Variants in MGAT4C observed in about 807,000 individuals in gnomAD.
MGAT4C encodes MGAT4 family member C.
MGAT4C carries 19 observed loss-of-function variants against 40.1 expected under a neutral mutation model. The observed-to-expected ratio is 0.47, with a 90% CI of 0.33 to 0.70. The LOEUF is 0.70. MGAT4C is among the 30% of genes least tolerant of loss of function. The pLI, the probability that MGAT4C is intolerant of heterozygous loss-of-function variation, is 0.02. For synonymous variants in MGAT4C, 181 were observed against 187.1 expected (o/e 0.97, Z 0.27); for missense variants, 491 against 563.2 (o/e 0.87, Z 1.30).
intron 1 of MGAT4C, among the ~76,000 whole-genome samples, chr12:86,223,475 G>T (rs1950958463): frequency 6.6e-6 from 1 of 152,072 alleles, no homozygotes. Flanking sequence ...TGATACCAAG[G>T]CACCAAGAAA....
intron 1 of MGAT4C, among the ~76,000 whole-genome samples, chr12:86,835,172 A>T (rs1953011797): frequency 6.6e-6 from 1 of 151,896 alleles, no homozygotes; most frequent in East Asian, 1.9e-4. Context: ...GTTTTTCTGT[A>T]TATTTTAAAC....
Position 85,979,066 on chromosome 12 carries a change from AAGT to A in MGAT4C, c.*220_*222del. 3.0e-6 allele frequency: 1 copy of A among 336,068 alleles called. No individual in the cohort carries two copies. Among genetic ancestry groups the A allele is most frequent in the Non-Finnish European group, 5.4e-6 (1 of 185,434 alleles). The allele number at this position is 336,068 out of a possible 1,614,324, so 20.8% of individuals were successfully genotyped here. On this transcript the variant is annotated 3_prime_UTR_variant, in exon 5 of 5. Transcript: ENST00000611864. ...TAAGAACATTTAAAAATATAAATGAAAGTAGCATTAGCTATAGACTGATATTCA... is the reference window on the plus strand; with the variant it reads ...TAAGAACATTTAAAAATATAAATGAAAGCATTAGCTATAGACTGATATTCA...
chr12:86,454,350 T>G (rs1957475428), intron 2 of MGAT4C, among the ~76,000 whole-genome samples: 1 of 151,974 alleles, frequency 6.6e-6, no homozygotes, highest in African/African-American at 2.4e-5. Flanking sequence ...ACCTCAGCCT[T>G]TCAAGTAGCT....
Position 86,599,855 on chromosome 12 carries a change from A to G in MGAT4C, c.-229+127354T>C, listed in dbSNP as rs143704837. On this transcript the variant is annotated intron_variant, in intron 2 of 7. Transcript: ENST00000548651. ...CTACTATAGTTATTTATTCAAAAAT[A>G]TTTATCAAACCTGGACCATGTTCTA... is the stretch of plus-strand genomic sequence containing the variant. Among the ~76,000 whole-genome samples the G allele has an allele frequency of 4.5e-4, 69 of 152,314 alleles. 1 individual carries two copies. The East Asian group carries it at 0.012, about 26-fold the overall frequency.
At chr12:86,574,695 C>T (rs111831750) in intron 2 of MGAT4C, among the ~76,000 whole-genome samples, 2,115 of 151,840 alleles carry the variant, frequency 0.014, 25 homozygotes, top group Middle Eastern at 0.037. Flanking sequence ...AATTATTCCT[C>T]ATTTAAGCTA....
At chr12:86,511,843 T>A (rs917875817) in intron 2 of MGAT4C, among the ~76,000 whole-genome samples, 24 of 152,164 alleles carry the variant, frequency 1.6e-4, no homozygotes, top group Admixed American at 3.9e-4. Flanking sequence ...AGCAATAGTT[T>A]CTTGGATATA....
chr12:86,109,197 C>T (rs1402756807), intron 1 of MGAT4C, among the ~76,000 whole-genome samples: 2 of 152,046 alleles, frequency 1.3e-5, no homozygotes, highest in African/African-American at 4.8e-5. Flanking sequence ...GACACTAGCA[C>T]CAAAATTGTT....
chr12:86,778,177 T>C (rs1951776262), intron 1 of MGAT4C, among the ~76,000 whole-genome samples: 1 of 152,192 alleles, frequency 6.6e-6, no homozygotes, highest in South Asian at 2.1e-4. Context: ...ATAAGGATAA[T>C]GTATTTAGAA....
At chr12:86,446,657 TCATA>T (rs1957340464) in intron 2 of MGAT4C, among the ~76,000 whole-genome samples, 1 of 66,496 alleles carries the variant, frequency 1.5e-5, no homozygotes, top group African/African-American at 5.1e-5. Context: ...ATCATGTAAC[TCATA>T]TATATATATA....
intron 1 of MGAT4C, among the ~76,000 whole-genome samples, chr12:86,051,175 G>A (rs1188345633): frequency 6.6e-6 from 1 of 151,986 alleles, no homozygotes; most frequent in Non-Finnish European, 1.5e-5. Context: ...AGGAAAAACA[G>A]CATTGGTTTT....
At chr12:86,202,889 T>G (rs1950100843) in intron 1 of MGAT4C, among the ~76,000 whole-genome samples, 1 of 152,178 alleles carries the variant, frequency 6.6e-6, no homozygotes, top group South Asian at 2.1e-4. Flanking sequence ...GTCCAAATTT[T>G]TATTTACTTT....
intron 1 of MGAT4C, among the ~76,000 whole-genome samples, chr12:86,215,327 C>T (rs1242895259): frequency 2.1e-4 from 32 of 152,146 alleles, no homozygotes; most frequent in Admixed American, 2.1e-3. Context: ...AAGCAAGACC[C>T]TCTAATAACA....
chr12:86,774,345 C>CTTTCTTTCTTTCTTTCTTTCTT (rs1951708548), intron 1 of MGAT4C, among the ~76,000 whole-genome samples: 1 of 14,906 alleles, frequency 6.7e-5, no homozygotes, highest in African/African-American at 2.7e-4. Flanking sequence ...CTTTCTGTCT[C>CTTTCTTTCTTTCTTTCTTTCTT]TCTCTCTCCC....
rs147550144 is a variant in MGAT4C at position 86,536,573 on chromosome 12, C to A, written c.-228-101308G>T. ...GAAAATTATAAATAAAATAAAACCT[C>A]TTTAAGCATTCAGGTAGTAAAAAAT... On this transcript the variant is annotated intron_variant, in intron 2 of 7. Transcript: ENST00000548651. 2.9e-3 allele frequency among the ~76,000 whole-genome samples: 447 copies of A among 152,198 alleles called. 4 individuals carry two copies. Among genetic ancestry groups the A allele is most frequent in the African/African-American group, 0.01 (429 of 41,536 alleles).
intron 2 of MGAT4C, among the ~76,000 whole-genome samples, chr12:86,637,529 C>T (rs1205714972): frequency 1.3e-5 from 2 of 151,830 alleles, no homozygotes; most frequent in African/African-American, 2.4e-5. Flanking sequence ...TTCTGGAATT[C>T]CTGTCCTTAA....
chr12:86,348,596 T>C lies in MGAT4C; in HGVS notation c.-119-14469A>G, dbSNP rs138656686. On this transcript the variant is annotated intron_variant, in intron 3 of 7. Coordinates refer to the MGAT4C transcript ENST00000548651. Reference sequence around the variant, plus strand: ...GTGGCCCTGGCACTTGAATGATAGCTTGTCTGGGGATAGAATTTCAGAATT... The same window carrying C: ...GTGGCCCTGGCACTTGAATGATAGCCTGTCTGGGGATAGAATTTCAGAATT... Among the ~76,000 whole-genome samples the C allele has an allele frequency of 3.3e-3, 498 of 152,276 alleles. 1 individual carries two copies. The highest frequency in any genetic ancestry group is 0.012 in the African/African-American group (483 of 41,572).
intron 1 of MGAT4C, among the ~76,000 whole-genome samples, chr12:86,803,208 C>A (rs1157094810): frequency 6.7e-6 from 1 of 150,310 alleles, no homozygotes; most frequent in Non-Finnish European, 1.5e-5. Context: ...AACTGGCTAG[C>A]CATATGTAGA....
chr12:86,811,309 A>T (rs1952467424), intron 1 of MGAT4C, among the ~76,000 whole-genome samples: 1 of 147,138 alleles, frequency 6.8e-6, no homozygotes, highest in Non-Finnish European at 1.5e-5. Context: ...TTTTTTTCTA[A>T]TTGATGTTCA....
chr12:86,621,083 C>G (rs933289729), intron 2 of MGAT4C, among the ~76,000 whole-genome samples: 1 of 151,690 alleles, frequency 6.6e-6, no homozygotes, highest in African/African-American at 2.4e-5. Context: ...TACACTATAC[C>G]CTCTAAATCT....
Sources: allele counts gnomAD v4.1 joint callset (sites outside exome capture counted in the v4.1 genomes callset), GRCh38; gene constraint gnomAD v4.1.1; transcripts MANE v1.5; gene names NCBI Gene and HGNC (gene_info 2026-07-23, HGNC 2026-07-21).